MYO1D: variants seen among roughly 807,000 people sequenced by gnomAD.
MYO1D encodes myosin ID.
In MYO1D, 83 loss-of-function variants were observed where a neutral mutation model predicts 122.0. The ratio of observed to expected loss-of-function variants is 0.68; its 90% CI spans 0.57 to 0.82. The LOEUF (loss-of-function observed/expected upper bound fraction) is 0.82. Ranked by LOEUF, MYO1D falls within the 40% of genes least tolerant of loss-of-function variation. The pLI is 0.00. For missense variants in MYO1D, 1,157 were observed against 1,269.5 expected (o/e 0.91, Z 1.35); for synonymous variants, 464 against 446.9 (o/e 1.04, Z -0.48).
intron 21 of MYO1D, chr17:32,498,947 T>A (rs1216692070): frequency 6.6e-6 from 1 of 152,226 alleles, no homozygotes; most frequent in Non-Finnish European, 1.5e-5. Context: ...CTCACACCTA[T>A]AATCCCTGCA....
chr17:32,572,558 T>A (rs2087241667), intron 21 of MYO1D, among the ~76,000 whole-genome samples: 1 of 152,126 alleles, frequency 6.6e-6, no homozygotes, highest in Non-Finnish European at 1.5e-5. Flanking sequence ...CTCCACAAAA[T>A]GGCCAGAGTG....
At chr17:32,744,425 C>T (rs2089808088) in intron 13 of MYO1D, among the ~76,000 whole-genome samples, 2 of 152,190 alleles carry the variant, frequency 1.3e-5, no homozygotes, top group African/African-American at 4.8e-5. Flanking sequence ...AAAGTTGTTT[C>T]CTTGTTTATT....
At chr17:32,687,135 G>A (rs1287376634) in intron 16 of MYO1D, among the ~76,000 whole-genome samples, 9 of 151,132 alleles carry the variant, frequency 6.0e-5, no homozygotes, top group East Asian at 1.9e-4. Flanking sequence ...CTTACCCCCC[G>A]CCCGCACCCC....
chr17:32,590,428 T>C (rs1322099670), intron 21 of MYO1D, among the ~76,000 whole-genome samples: 2 of 152,224 alleles, frequency 1.3e-5, no homozygotes, highest in African/African-American at 4.8e-5. Context: ...ATGGCCTTTG[T>C]CCATGGTTTT....
At chr17:32,646,279 CACTT>C (rs1438055524) in intron 19 of MYO1D, among the ~76,000 whole-genome samples, 16 of 152,202 alleles carry the variant, frequency 1.1e-4, no homozygotes, top group African/African-American at 3.9e-4. Flanking sequence ...TGTTGAAGAA[CACTT>C]ACTATCACTT....
At chr17:32,572,515 A>G (rs942557746) in intron 21 of MYO1D, among the ~76,000 whole-genome samples, 1 of 152,154 alleles carries the variant, frequency 6.6e-6, no homozygotes, top group Non-Finnish European at 1.5e-5. Flanking sequence ...TAATTTTAGG[A>G]CCAGCCACCC....
intron 16 of MYO1D, among the ~76,000 whole-genome samples, chr17:32,664,163 A>G (rs1382752041): frequency 3.9e-5 from 6 of 152,240 alleles, no homozygotes; most frequent in African/African-American, 1.4e-4. Flanking sequence ...ACAGGAAAAA[A>G]TGATTCATGC....
intron 20 of MYO1D, among the ~76,000 whole-genome samples, chr17:32,617,871 CA>C (rs1343777936): frequency 6.6e-6 from 1 of 152,168 alleles, no homozygotes; most frequent in African/African-American, 2.4e-5. Context: ...AACAGACAGT[CA>C]CTTTCAAAAA....
intron 15 of MYO1D, among the ~76,000 whole-genome samples, chr17:32,720,315 G>A (rs2089495748): frequency 6.6e-6 from 1 of 152,032 alleles, no homozygotes; most frequent in South Asian, 2.1e-4. Flanking sequence ...TTACTTTACG[G>A]AGGTACTACT....
intron 21 of MYO1D, among the ~76,000 whole-genome samples, chr17:32,585,148 CATT>C (rs2087375414): frequency 6.6e-6 from 1 of 151,876 alleles, no homozygotes; most frequent in South Asian, 2.1e-4. Context: ...ATTGTTCTCT[CATT>C]TTTTTTTCTT....
At chr17:32,624,153 T>C (rs2087891399) in intron 20 of MYO1D, among the ~76,000 whole-genome samples, 4 of 151,912 alleles carry the variant, frequency 2.6e-5, no homozygotes, top group Admixed American at 2.6e-4. Context: ...AATAGATAAG[T>C]GGTTCTCATC....
chr17:32,738,466 T>G (rs2089734336), intron 13 of MYO1D, 81 bp from the exon 14 acceptor site: 1 of 1,360,760 alleles, frequency 7.3e-7, no homozygotes, highest in African/African-American at 1.5e-5. Context: ...TGCTGAAATG[T>G]ATCCTGAGAA....
chr17:32,804,831 T>C (rs1163423917), intron 1 of MYO1D, among the ~76,000 whole-genome samples: 1 of 152,128 alleles, frequency 6.6e-6, no homozygotes, highest in East Asian at 1.9e-4. Flanking sequence ...AGAGCAAGAT[T>C]AGTGGACTCA....
intron 21 of MYO1D, among the ~76,000 whole-genome samples, chr17:32,539,889 T>G (rs1018671256): frequency 6.6e-6 from 1 of 152,226 alleles, no homozygotes; most frequent in African/African-American, 2.4e-5. Context: ...TCTACAACTT[T>G]AAGTCCTTCA....
intron 2 of MYO1D, 119 bp downstream of exon 2, chr17:32,780,457 A>G (rs1156716152): frequency 3.2e-5 from 31 of 956,186 alleles, no homozygotes; most frequent in South Asian, 1.5e-4. Flanking sequence ...TCTCTCTCCT[A>G]TAGAATTGCT....
intron 16 of MYO1D, among the ~76,000 whole-genome samples, chr17:32,683,498 A>G (rs2088953969): frequency 6.6e-6 from 1 of 152,024 alleles, no homozygotes; most frequent in Non-Finnish European, 1.5e-5. Flanking sequence ...GGTCTGTTGG[A>G]ATACCCTGCC....
chr17:32,633,799 T>C (rs1418187475), intron 20 of MYO1D, among the ~76,000 whole-genome samples: 3 of 152,158 alleles, frequency 2.0e-5, no homozygotes, highest in East Asian at 3.8e-4. Flanking sequence ...ATTCCTTAAC[T>C]CCTTCAAGTC....
chr17:32,567,841 G>A (rs565697865), intron 21 of MYO1D, among the ~76,000 whole-genome samples: 50 of 152,240 alleles, frequency 3.3e-4, no homozygotes, highest in Non-Finnish European at 6.3e-4. Flanking sequence ...TGGTGCTAAC[G>A]AGGCCACTGC....
chr17:32,579,853 G>A (rs2087313876), intron 21 of MYO1D, among the ~76,000 whole-genome samples: 1 of 152,212 alleles, frequency 6.6e-6, no homozygotes, highest in South Asian at 2.1e-4. Flanking sequence ...GTAGTTCACT[G>A]TATGGATATA....
Sources: gnomAD v4.1 joint callset for allele counts (sites outside exome capture counted in the v4.1 genomes callset) on GRCh38, gnomAD v4.1.1 for gene constraint, MANE v1.5 for transcripts, NCBI Gene and HGNC (gene_info 2026-07-23, HGNC 2026-07-21) for gene names.